DENND1A: variants seen among roughly 807,000 people sequenced by gnomAD.
DENND1A encodes DENN domain-containing protein 1A.
In DENND1A, 51 loss-of-function variants were observed where a neutral mutation model predicts 113.7. The ratio of observed to expected loss-of-function variants is 0.45; its 90% confidence interval spans 0.36 to 0.57. DENND1A has a LOEUF of 0.57. DENND1A is among the 20% of genes least tolerant of loss of function. The pLI is 0.00. For missense variants in DENND1A, 1,258 were observed against 1,395.9 expected (o/e 0.90, Z 1.57); for synonymous variants, 565 against 570.8 (o/e 0.99, Z 0.14).
At chr9:123,495,170 T>TCTCTCTCTCTCTCTCTCTCTCTCTC (rs371539514) in intron 13 of DENND1A, among the ~76,000 whole-genome samples, 114 of 149,506 alleles carry the variant, frequency 7.6e-4, no homozygotes, top group Middle Eastern at 3.5e-3. Flanking sequence ...TCTCTCTCTC[T>TCTCTCTCTCTCTCTCTCTCTCTCTC]TATAATGTCT....
At chr9:123,669,314 GA>G (rs972637534) in intron 7 of DENND1A, among the ~76,000 whole-genome samples, 1 of 151,310 alleles carries the variant, frequency 6.6e-6, no homozygotes, top group Non-Finnish European at 1.5e-5. Context: ...GAAAAGGAAA[GA>G]AAAAAAAATC....
At chr9:123,636,550 C>G (rs1050610654) in intron 9 of DENND1A, among the ~76,000 whole-genome samples, 10 of 152,100 alleles carry the variant, frequency 6.6e-5, no homozygotes, top group African/African-American at 2.2e-4. Context: ...CTCCCGAGCT[C>G]AGGTGATCCG....
chr9:123,495,116 T>C (rs187696800), intron 13 of DENND1A, among the ~76,000 whole-genome samples: 142 of 149,458 alleles, frequency 9.5e-4, no homozygotes, highest in Admixed American at 2.3e-3. Flanking sequence ...TGTATGTCTA[T>C]CTATTATGAC....
intron 18 of DENND1A, among the ~76,000 whole-genome samples, chr9:123,444,899 A>G (rs991284483): frequency 1.3e-5 from 2 of 152,206 alleles, no homozygotes; most frequent in Non-Finnish European, 2.9e-5. Context: ...GAAGGGTCAC[A>G]CAGGAGGAAG....
chr9:123,897,658 C>T (rs983829762), intron 1 of DENND1A, among the ~76,000 whole-genome samples: 5 of 152,058 alleles, frequency 3.3e-5, no homozygotes, highest in Non-Finnish European at 5.9e-5. Flanking sequence ...GGGCTCACCT[C>T]GGAGCCTACC....
chr9:123,569,124 T>C (rs1388451105), intron 12 of DENND1A, among the ~76,000 whole-genome samples: 1 of 152,204 alleles, frequency 6.6e-6, no homozygotes, highest in African/African-American at 2.4e-5. Flanking sequence ...GTAAAATGAT[T>C]CAAGTTAAAT....
intron 13 of DENND1A, among the ~76,000 whole-genome samples, chr9:123,521,230 A>C (rs2054368827): frequency 6.6e-6 from 1 of 152,340 alleles, no homozygotes; most frequent in Non-Finnish European, 1.5e-5. Flanking sequence ...TATCTCAGGA[A>C]TAGGAAGACA....
chr9:123,636,393 T>C (rs2061701837), intron 9 of DENND1A, among the ~76,000 whole-genome samples: 1 of 151,956 alleles, frequency 6.6e-6, no homozygotes, highest in South Asian at 2.1e-4. Flanking sequence ...CTCGGCTCAC[T>C]GCAACCTCTG....
intron 9 of DENND1A, among the ~76,000 whole-genome samples, chr9:123,630,763 G>A (rs893441264): frequency 1.3e-5 from 2 of 152,150 alleles, no homozygotes; most frequent in Non-Finnish European, 2.9e-5. Context: ...ATTTAACATT[G>A]TAGGTTATTA....
chr9:123,705,629 T>C (rs1359476284), intron 5 of DENND1A, among the ~76,000 whole-genome samples: 1 of 152,178 alleles, frequency 6.6e-6, no homozygotes, highest in African/African-American at 2.4e-5. Context: ...AGGACCATTA[T>C]GGAAGAAATT....
At chr9:123,685,119 G>A (rs1182182956) in intron 5 of DENND1A, among the ~76,000 whole-genome samples, 2 of 152,166 alleles carry the variant, frequency 1.3e-5, no homozygotes, top group African/African-American at 4.8e-5. Flanking sequence ...ACCCTCACAT[G>A]GTTCTTTTGA....
intron 9 of DENND1A, among the ~76,000 whole-genome samples, chr9:123,646,268 T>C (rs924171671): frequency 6.6e-6 from 1 of 152,152 alleles, no homozygotes; most frequent in South Asian, 2.1e-4. Context: ...CCACCTGTTT[T>C]AGTGGACAGG....
chr9:123,402,746 G>GC (rs980717096), intron 21 of DENND1A: 2 of 403,396 alleles, frequency 5.0e-6, no homozygotes, highest in Admixed American at 2.7e-5. Flanking sequence ...GCTATCTGCA[G>GC]CCTTCTGCCT....
chr9:123,691,235 G>C (rs1352032670), intron 5 of DENND1A, among the ~76,000 whole-genome samples: 1 of 152,148 alleles, frequency 6.6e-6, no homozygotes, highest in Non-Finnish European at 1.5e-5. Flanking sequence ...CAATGAACAA[G>C]ACACAGTGCT....
intron 11 of DENND1A, among the ~76,000 whole-genome samples, chr9:123,606,618 T>C (rs1341075048): frequency 6.6e-6 from 1 of 152,288 alleles, no homozygotes; most frequent in Non-Finnish European, 1.5e-5. Context: ...AGTAAAATTA[T>C]GGCATTGGGT....
chr9:123,639,039 T>TAAAAAAA (rs750972974), intron 9 of DENND1A, among the ~76,000 whole-genome samples: 422 of 31,810 alleles, frequency 0.013, 1 homozygote, highest in Non-Finnish European at 0.015. Flanking sequence ...GCATGAGTAG[T>TAAAAAAA]AAAAAAAAAA....
intron 9 of DENND1A, among the ~76,000 whole-genome samples, chr9:123,650,906 CAAAAAAAAA>C (rs76905879): frequency 8.4e-5 from 3 of 35,656 alleles, no homozygotes; most frequent in African/African-American, 2.1e-4. Flanking sequence ...GACTCTGTCT[CAAAAAAAAA>C]AAAAAAAAAA....
chr9:123,734,131 GGTA>G (rs2068387343), intron 5 of DENND1A, among the ~76,000 whole-genome samples: 1 of 152,060 alleles, frequency 6.6e-6, no homozygotes, highest in Non-Finnish European at 1.5e-5. Context: ...ACCAAGCCCA[GGTA>G]ACATTTTTAT....
chr9:123,664,114 G>T (rs1285031445), intron 8 of DENND1A, among the ~76,000 whole-genome samples: 2 of 152,170 alleles, frequency 1.3e-5, no homozygotes, highest in Non-Finnish European at 2.9e-5. Context: ...GATTATGCCT[G>T]ATTTTTCTTT....
Sources: gnomAD v4.1 joint callset for allele counts (sites outside exome capture counted in the v4.1 genomes callset) on GRCh38, gnomAD v4.1.1 for gene constraint, MANE v1.5 for transcripts, NCBI Gene and HGNC (gene_info 2026-07-23, HGNC 2026-07-21) for gene names.